Variants in USP4 observed in about 807,000 individuals in gnomAD.
USP4 encodes the protein ubiquitin carboxyl-terminal hydrolase 4.
A neutral mutation model predicts 118.2 loss-of-function variants in USP4; 72 were observed. That is an observed-to-expected ratio of 0.61 (90% CI 0.50 to 0.74). The LOEUF (loss-of-function observed/expected upper bound fraction) is 0.74. Among genes scored for constraint, USP4 ranks in the 30% least tolerant of loss-of-function variants. The pLI, the probability that USP4 is intolerant of heterozygous loss-of-function variation, is 0.00. For missense variants in USP4, 1,037 were observed against 1,185.7 expected, an observed-to-expected ratio of 0.87 and a Z score of 1.84; for synonymous variants, 415 against 440.4, an observed-to-expected ratio of 0.94 and a Z score of 0.72.
chr3:49,311,083 G>T (rs2047377087), intron 7 of USP4, among the ~76,000 whole-genome samples: 1 of 152,176 alleles, frequency 6.6e-6, no homozygotes, highest in African/African-American at 2.4e-5. Context: ...GACTGGCCCT[G>T]AAAGTTCATG....
intron 8 of USP4, among the ~76,000 whole-genome samples, chr3:49,310,035 G>A (rs1310198565): frequency 3.0e-5 from 4 of 131,648 alleles, no homozygotes; most frequent in Admixed American, 9.1e-5. Context: ...TGCAACCTCC[G>A]CCTCCCAGGT....
At chr3:49,329,004 C>T (rs1316206118) in intron 2 of USP4, among the ~76,000 whole-genome samples, 1 of 151,796 alleles carries the variant, frequency 6.6e-6, no homozygotes, top group Non-Finnish European at 1.5e-5. Flanking sequence ...GTAGTGAAAC[C>T]CCGTCTCTAC....
intron 1 of USP4, among the ~76,000 whole-genome samples, chr3:49,336,461 A>G (rs2107807344): frequency 6.6e-6 from 1 of 152,026 alleles, no homozygotes; most frequent in South Asian, 2.1e-4. Context: ...TGCATGAGCT[A>G]CCACACTCAG....
chr3:49,312,612 C>G (rs1291236863), intron 6 of USP4: 4 of 380,080 alleles, frequency 1.1e-5, no homozygotes, highest in Non-Finnish European at 2.1e-5. Flanking sequence ...AAGAACGAAA[C>G]TCTGTCTCAA....
intron 6 of USP4, among the ~76,000 whole-genome samples, chr3:49,321,764 C>T (rs2047505488): frequency 6.6e-6 from 1 of 152,002 alleles, no homozygotes; most frequent in African/African-American, 2.4e-5. Context: ...GAGGCCGAGG[C>T]AGGCGGATCA....
intron 6 of USP4, chr3:49,318,545 T>C (rs1171517098): frequency 3.0e-6 from 3 of 985,206 alleles, no homozygotes; most frequent in Non-Finnish European, 3.6e-6. Flanking sequence ...GCAATTCACA[T>C]GGAAGAGAAA....
chr3:49,298,528 G>C (rs761377519), intron 12 of USP4, 24 bp downstream of exon 12: 3 of 1,611,518 alleles, frequency 1.9e-6, no homozygotes, highest in Admixed American at 3.3e-5. Context: ...AATAGACCGA[G>C]TGCCACTGAT....
intron 6 of USP4, among the ~76,000 whole-genome samples, chr3:49,315,062 A>C (rs2047421067): frequency 6.6e-6 from 1 of 152,060 alleles, no homozygotes; most frequent in African/African-American, 2.4e-5. Flanking sequence ...AGGGCATATA[A>C]GGATACTTTT....
intron 1 of USP4, among the ~76,000 whole-genome samples, chr3:49,339,645 T>C (rs928137536): frequency 1.3e-5 from 2 of 152,098 alleles, no homozygotes; most frequent in Non-Finnish European, 2.9e-5. Flanking sequence ...TCCCCACCCT[T>C]AGGGTCCCCA....
Position 49,324,999 on chromosome 3 carries a change from A to G in USP4, c.528T>C (p.Pro176=), listed in dbSNP as rs759897103. 5.5e-5 allele frequency: 88 copies of G among 1,613,664 alleles called. No homozygotes were observed. The highest frequency in any genetic ancestry group is 6.6e-5 in the Non-Finnish European group (78 of 1,179,984). Residue 176 remains proline (P), a synonymous_variant, in exon 5 of 22, where the codon CCT becomes CCC. Coordinates refer to ENST00000265560, the MANE Select transcript of USP4 (RefSeq NM_003363.4). Reference sequence around the variant, plus strand: ...TCCAGAGCCGTGTTTCACGCTCCGCAGGGATGTTGAATAGCTTCCGCATCT... The same window carrying G: ...TCCAGAGCCGTGTTTCACGCTCCGCGGGGATGTTGAATAGCTTCCGCATCT... ...EKEMRKLFNI[P]AERETRLWNK...
intron 6 of USP4, chr3:49,312,449 T>C (rs1274585383): frequency 2.2e-6 from 1 of 452,724 alleles, no homozygotes; most frequent in Non-Finnish European, 4.4e-6. Flanking sequence ...GCACTCCAGC[T>C]TGGTGACAGA....
rs2047225825 is a variant in USP4 at position 49,297,897 on chromosome 3, T to C, written c.1664A>G (p.His555Arg). Residue 555 changes from histidine (H) to arginine (R), a missense_variant, in exon 13 of 22, where the codon CAC (histidine) becomes CGC (arginine). His to Arg is a conservative substitution (Grantham distance 29, BLOSUM62 0). Coordinates refer to ENST00000265560, the MANE Select transcript of USP4 (RefSeq NM_003363.4). ...KIFQMDEGLN[H>R]IMPRDDIFVY... ...GAAAATGTCATCCCGAGGCATGATG[T>C]GGTTTAAACCTTCATCCATTTGGAA... The C allele has an allele frequency of 6.2e-7, 1 of 1,614,020 alleles. No individual in the cohort carries two copies. The highest frequency in any genetic ancestry group is 8.5e-7 in the Non-Finnish European group (1 of 1,179,992).
chr3:49,287,191 T>C (rs2047104016), intron 15 of USP4, among the ~76,000 whole-genome samples: 1 of 150,996 alleles, frequency 6.6e-6, no homozygotes, highest in African/African-American at 2.4e-5. Flanking sequence ...GTCTCACTCT[T>C]TCGTCCAGGC....
chr3:49,315,629 C>A (rs980089393), intron 6 of USP4, among the ~76,000 whole-genome samples: 1 of 152,168 alleles, frequency 6.6e-6, no homozygotes, highest in African/African-American at 2.4e-5. Context: ...AACAAGGATA[C>A]CTCTGCTCCT....
At chr3:49,280,986 A>C in intron 19 of USP4, 139 bp from the exon 20 acceptor site, 1 of 632,554 alleles carries the variant, frequency 1.6e-6, no homozygotes, top group Non-Finnish European at 2.8e-6. Flanking sequence ...CCAAGATGGA[A>C]GGGACTCTAG....
chr3:49,327,722 G>A lies in USP4; in HGVS notation c.324C>T (p.Tyr108=), dbSNP rs768480930. Reference sequence around the variant, plus strand: ...TGGGTTGCTGGCCTTCTACACAGCCGTACCAGTTTAGTAGTTTATTCCACG... The same window carrying A: ...TGGGTTGCTGGCCTTCTACACAGCCATACCAGTTTAGTAGTTTATTCCACG... The part of the protein sequence containing the change: ...TEAWNKLLNW[Y]GCVEGQQPIV... The change falls in exon 3 of 22, where the codon TAC becomes TAT. Residue 108 remains tyrosine (Y), a synonymous_variant. Transcript: ENST00000265560. The A allele has an allele frequency of 7.4e-6, 12 of 1,613,928 alleles. No individual in the cohort carries two copies. The highest frequency in any genetic ancestry group is 2.7e-5 in the African/African-American group (2 of 74,882).
rs149131437 is a variant in USP4, at chr3:49,292,593, T to C, written c.1889A>G (p.Tyr630Cys). 3.5e-4 allele frequency: 546 copies of C among 1,581,182 alleles called. No individual in the cohort carries two copies. The African/African-American group carries it at 6.2e-3, about 18-fold the overall frequency. The change falls in exon 15 of 22, where the codon TAT becomes TGT. Residue 630 changes from tyrosine (Y) to cysteine (C), a missense_variant. By Grantham distance (194) the Tyr-to-Cys change is radical. Transcript: ENST00000265560. ...CTCATCAGGTAAAGGCTGTTTCACA[T>C]AGCGGCTTCAAAAAGAGAAAAAGAG... The part of the protein sequence containing the change: ...YQAVCDRISR[Y>C]VKQPLPDEFG...
chr3:49,293,057 C>T (rs1269530000), intron 14 of USP4, among the ~76,000 whole-genome samples: 3 of 151,824 alleles, frequency 2.0e-5, no homozygotes, highest in Non-Finnish European at 4.4e-5. Flanking sequence ...AATAAAATAA[C>T]ACAGTGGCTC....
chr3:49,323,029 G>T (rs1354835253), intron 6 of USP4, among the ~76,000 whole-genome samples: 2 of 150,986 alleles, frequency 1.3e-5, no homozygotes, highest in East Asian at 3.9e-4. Context: ...GTGCAATGGT[G>T]CAATCTCAGT....
Sources: allele counts gnomAD v4.1 joint callset (sites outside exome capture counted in the v4.1 genomes callset), GRCh38; gene constraint gnomAD v4.1.1; transcripts MANE v1.5; gene names NCBI Gene and HGNC (gene_info 2026-07-23, HGNC 2026-07-21).